CTDSPL2: variants seen among roughly 807,000 people sequenced by gnomAD.
CTDSPL2 encodes CTD small phosphatase like 2, also known as CTD small phosphatase-like protein 2.
A neutral mutation model predicts 60.0 loss-of-function variants in CTDSPL2; 5 were observed. That is an observed-to-expected ratio of 0.08 (90% CI 0.04 to 0.18). CTDSPL2 has a LOEUF of 0.18. Among genes scored for constraint, CTDSPL2 ranks in the 10% least tolerant of loss-of-function variants. The pLI is 1.00. For missense variants in CTDSPL2, 370 were observed against 548.8 expected (o/e 0.67, Z 3.26); for synonymous variants, 186 against 189.3 (o/e 0.98, Z 0.14).
chr15:44,498,724 C>T (rs2081341631), intron 7 of CTDSPL2, among the ~76,000 whole-genome samples: 1 of 151,878 alleles, frequency 6.6e-6, no homozygotes, highest in African/African-American at 2.4e-5. Context: ...TATAGTGAAA[C>T]CCCATCTCCA....
intron 8 of CTDSPL2, among the ~76,000 whole-genome samples, chr15:44,506,892 G>A (rs894976395): frequency 2.6e-5 from 4 of 151,322 alleles, no homozygotes; most frequent in African/African-American, 9.7e-5. Flanking sequence ...TCAGCCTCCC[G>A]AGTAGCTGGG....
At chr15:44,448,935 G>T in intron 1 of CTDSPL2, 4 of 413,348 alleles carry the variant, frequency 9.7e-6, no homozygotes, top group East Asian at 9.1e-5. Context: ...AAGTAACAGT[G>T]CCCAATCCAT....
In CTDSPL2 at chr15:44,459,104, T is replaced by C; in HGVS notation, c.90T>C (p.Val30=). The C allele has an allele frequency of 6.2e-7, 1 of 1,613,274 alleles. No homozygotes were observed. The highest frequency in any genetic ancestry group is 1.1e-5 in the South Asian group (1 of 91,028). The part of the protein sequence containing the change: ...TARAKRKYSE[V]DDSLPSGGEK... ...GAGCAAAGAGGAAATATTCAGAGGTTGATGATAGCCTGCCTTCAGGAGGAG... is the reference window on the plus strand; with the variant it reads ...GAGCAAAGAGGAAATATTCAGAGGTCGATGATAGCCTGCCTTCAGGAGGAG... Residue 30 remains valine (V), a synonymous_variant, in exon 2 of 13, where the codon GTT becomes GTC. Coordinates refer to ENST00000260327, the MANE Select transcript of CTDSPL2 (RefSeq NM_016396.3).
At chr15:44,450,751 A>G (rs1012779355) in intron 1 of CTDSPL2, among the ~76,000 whole-genome samples, 1 of 151,646 alleles carries the variant, frequency 6.6e-6, no homozygotes, top group African/African-American at 2.4e-5. Context: ...GCCTGCCACC[A>G]TGTCCGGCTA....
chr15:44,451,203 G>C (rs900968377), intron 1 of CTDSPL2, among the ~76,000 whole-genome samples: 2 of 152,078 alleles, frequency 1.3e-5, no homozygotes, highest in African/African-American at 4.8e-5. Flanking sequence ...AGGCTCAAGT[G>C]ATCTTCTCTC....
intron 1 of CTDSPL2, among the ~76,000 whole-genome samples, chr15:44,443,549 T>C (rs1316559560): frequency 1.3e-5 from 2 of 152,240 alleles, no homozygotes; most frequent in Non-Finnish European, 2.9e-5. Context: ...TTTCTCCACA[T>C]TCTTGCCGGC....
chr15:44,444,058 A>G (rs368119777), intron 1 of CTDSPL2, among the ~76,000 whole-genome samples: 2 of 151,960 alleles, frequency 1.3e-5, no homozygotes, highest in East Asian at 3.9e-4. Flanking sequence ...GGTGTGCACC[A>G]TCATGCCTGG....
intron 7 of CTDSPL2, among the ~76,000 whole-genome samples, 172 bp downstream of exon 7, chr15:44,497,310 T>A (rs940930863): frequency 6.6e-6 from 1 of 152,198 alleles, no homozygotes; most frequent in African/African-American, 2.4e-5. Flanking sequence ...CTTTTCTTAT[T>A]CTTATTTTTA....
In CTDSPL2 at chr15:44,525,446, T is replaced by C. The variant is rs1336606589; in HGVS notation, c.*1272T>C. 11 of 398,786 alleles carry C rather than the reference T, an allele frequency of 2.8e-5. No individual in the cohort carries two copies. The highest frequency in any genetic ancestry group is 4.9e-5 in the Non-Finnish European group (11 of 225,960). The allele number at this position is 398,786 out of a possible 1,614,324, so 24.7% of individuals were successfully genotyped here. The stretch of plus-strand genomic sequence containing the variant: ...TTTTCGGGAGGCTTTTTATGGAAGG[T>C]AGAATTTGTAAAAGTTCGTATGCTT... On this transcript the variant is annotated 3_prime_UTR_variant, in exon 13 of 13. Transcript: ENST00000260327.
At chr15:44,518,910 T>A in intron 10 of CTDSPL2, 1 of 220,276 alleles carries the variant, frequency 4.5e-6, no homozygotes, top group Non-Finnish European at 8.9e-6. Flanking sequence ...TCCCCCTTTA[T>A]AATTTAATAA....
At chr15:44,441,371 C>T (rs963491970) in intron 1 of CTDSPL2, among the ~76,000 whole-genome samples, 1 of 152,204 alleles carries the variant, frequency 6.6e-6, no homozygotes, top group Admixed American at 6.5e-5. Context: ...AAGCTGCTCC[C>T]TTCCTCCAGC....
intron 2 of CTDSPL2, among the ~76,000 whole-genome samples, chr15:44,466,556 A>G (rs1595726508): frequency 6.6e-6 from 1 of 152,354 alleles, no homozygotes; most frequent in East Asian, 1.9e-4. Flanking sequence ...TGAACATCAT[A>G]GTACTTATGT....
chr15:44,448,663 C>A, intron 1 of CTDSPL2: 1 of 330,144 alleles, frequency 3.0e-6, no homozygotes. Context: ...TATTCTAAAT[C>A]CATGCCCTCC....
chr15:44,491,118 G>A, intron 5 of CTDSPL2, 119 bp downstream of exon 5: 1 of 729,350 alleles, frequency 1.4e-6, no homozygotes, highest in Non-Finnish European at 2.2e-6. Flanking sequence ...TGGAAGTTAA[G>A]AAAAAGTTAA....
intron 8 of CTDSPL2, chr15:44,502,129 A>ACC: frequency 4.2e-6 from 1 of 238,192 alleles, no homozygotes; most frequent in South Asian, 4.8e-5. Flanking sequence ...TACTGCATAT[A>ACC]CTCTTATTTT....
chr15:44,429,462 G>T (rs1020139301), intron 1 of CTDSPL2, among the ~76,000 whole-genome samples: 1 of 152,282 alleles, frequency 6.6e-6, no homozygotes, highest in Non-Finnish European at 1.5e-5. Context: ...AAATTAGTTT[G>T]CAGCTAGCTG....
chr15:44,432,729 C>A (rs1298919302), intron 1 of CTDSPL2, among the ~76,000 whole-genome samples: 1 of 152,006 alleles, frequency 6.6e-6, no homozygotes, highest in African/African-American at 2.4e-5. Context: ...AAGTGATTCT[C>A]CTGTCTCAGT....
chr15:44,477,191 T>G (rs566749423), intron 2 of CTDSPL2, among the ~76,000 whole-genome samples: 1 of 152,128 alleles, frequency 6.6e-6, no homozygotes, highest in Non-Finnish European at 1.5e-5. Flanking sequence ...ATTGTGCCAC[T>G]GCACTCTAGC....
At chr15:44,463,588 G>A (rs897489129) in intron 2 of CTDSPL2, among the ~76,000 whole-genome samples, 7 of 152,160 alleles carry the variant, frequency 4.6e-5, no homozygotes, top group African/African-American at 4.8e-5. Context: ...TACTAAAATC[G>A]GAGTGAAATC....
Sources: allele counts gnomAD v4.1 joint callset (sites outside exome capture counted in the v4.1 genomes callset), GRCh38; gene constraint gnomAD v4.1.1; transcripts MANE v1.5; gene names NCBI Gene and HGNC (gene_info 2026-07-23, HGNC 2026-07-21).